Variants in FAM107A observed in about 807,000 individuals in gnomAD.
FAM107A encodes actin-associated protein FAM107A.
FAM107A carries 19 observed loss-of-function variants against 13.7 expected under a neutral mutation model. The ratio of observed to expected loss-of-function variants is 1.38; its 90% confidence interval spans 0.97 to 2.03. FAM107A has a LOEUF of 2.03. FAM107A is among the 30% of genes most tolerant of loss of function. The pLI, the probability that FAM107A is intolerant of heterozygous loss-of-function variation, is 0.00. For synonymous variants in FAM107A, 82 were observed against 74.5 expected (o/e 1.10, Z -0.52); for missense variants, 203 against 184.4 (o/e 1.10, Z -0.58).
At chr3:58,590,451 A>G (rs1478737740), upstream of FAM107A, among the ~76,000 whole-genome samples, 1 of 152,178 alleles carries the variant, frequency 6.6e-6, no homozygotes, top group Non-Finnish European at 1.5e-5. Context: ...CTGGATACCA[A>G]CAGTAATTTG....
At position 58,564,693 on chromosome 3, in the gene FAM107A, G is replaced by A. The variant is rs915452154; in HGVS notation, c.*1895C>T. ...CCCTCTGTCTTGCTTCTCTTCACAT[G>A]TCTGAACAACACATGGACCCGAGGG... is the stretch of plus-strand genomic sequence containing the variant. On this transcript the variant is annotated 3_prime_UTR_variant, in exon 4 of 4. Transcript: ENST00000360997. This position sits in a 1 kb window ranked among gnomAD's most constrained non-coding sequence, Gnocchi z 5.6. The A allele has an allele frequency of 6.6e-6, 1 of 152,274 alleles. No homozygotes were observed. The highest frequency in any genetic ancestry group is 2.4e-5 in the African/African-American group (1 of 41,468). 9.4% of individuals were successfully genotyped at this position (152,274 alleles called of 1,614,324 possible). A position where few individuals can be genotyped will look rare whatever the true frequency, so the allele number is the denominator to read the frequency against.
rs1358620631 is a variant in FAM107A, at chr3:58,620,504, C to CT, written c.-70+6911dup. Among the ~76,000 whole-genome samples, 3 of 152,376 alleles carry CT rather than the reference C, an allele frequency of 2.0e-5. No individual in the cohort carries two copies. In the South Asian group the frequency reaches 6.2e-4, roughly 32 times the overall value. On this transcript the variant is annotated intron_variant, in intron 1 of 3. Transcript: ENST00000465970. ...GAAGAAGTCTCGGCTGAGCCGGTATCTTTTTTCCTTTCTTTCTCCTTTGAT... is the reference window on the plus strand; with the variant it reads ...GAAGAAGTCTCGGCTGAGCCGGTATCTTTTTTTCCTTTCTTTCTCCTTTGAT...
rs1337649780 is a variant in FAM107A at position 58,569,518 on chromosome 3, T to C, written c.170+173A>G. Among the ~76,000 whole-genome samples, 2 of 152,180 alleles carry C rather than the reference T, an allele frequency of 1.3e-5. No homozygotes were observed. Among genetic ancestry groups the C allele is most frequent in the African/African-American group, 4.8e-5 (2 of 41,442 alleles). On this transcript the variant is annotated intron_variant, in intron 2 of 3. Coordinates refer to ENST00000360997, the MANE Select transcript of FAM107A (RefSeq NM_001076778.3). This position sits in a 1 kb window ranked among gnomAD's most constrained non-coding sequence, Gnocchi z 5.7. ...GTCCCTCTGGTTCCCAGGGACCCAC[T>C]GGGGACAGGGTCTTTACAGGTTTTG...
intron 1 of FAM107A, among the ~76,000 whole-genome samples, chr3:58,573,130 C>A (rs957995636): frequency 6.6e-6 from 1 of 152,092 alleles, no homozygotes; most frequent in Non-Finnish European, 1.5e-5. Flanking sequence ...GAGGCAGGAA[C>A]CCTGAGGGAT....
At chr3:58,567,772 G>A (rs2063637636) in intron 2 of FAM107A, among the ~76,000 whole-genome samples, 1 of 152,182 alleles carries the variant, frequency 6.6e-6, no homozygotes, top group Non-Finnish European at 1.5e-5. Context: ...CAGTGTACAA[G>A]AGCATCTATT....
At chr3:58,584,850 C>T (rs940894176) in intron 1 of FAM107A, among the ~76,000 whole-genome samples, 1 of 152,240 alleles carries the variant, frequency 6.6e-6, no homozygotes, top group African/African-American at 2.4e-5. Flanking sequence ...CAGAAAATTC[C>T]GTAACGGGGC....
At chr3:58,619,422 T>C (rs540567379) in intron 1 of FAM107A, among the ~76,000 whole-genome samples, 121 of 152,228 alleles carry the variant, frequency 7.9e-4, no homozygotes, top group African/African-American at 2.7e-3. Context: ...GAACCAGGAA[T>C]CTGGGGGCCC....
chr3:58,593,271 A>G (rs372512236), intron 1 of FAM107A, among the ~76,000 whole-genome samples: 1 of 152,260 alleles, frequency 6.6e-6, no homozygotes, highest in East Asian at 1.9e-4. Context: ...CCTTCATTCT[A>G]TTAGGTCTAT....
rs535027340 is a variant in FAM107A, at chr3:58,604,834, C to G, written c.-69-15565G>C. On this transcript the variant is annotated intron_variant, in intron 1 of 3. Coordinates refer to the FAM107A transcript ENST00000465970. This position sits in a 1 kb window ranked among gnomAD's most constrained non-coding sequence, Gnocchi z 4.1. ...TTTCTTGACTAAGGATCACATTTTC[C>G]TGTCTCTTTGCATGTCTAAACAATT... Among the ~76,000 whole-genome samples, 26 of 152,300 alleles carry G rather than the reference C, an allele frequency of 1.7e-4. 1 individual carries two copies. In the South Asian group the frequency reaches 5.0e-3, roughly 29 times the overall value.
At chr3:58,614,506 CTTTT>C (rs200625039) in intron 1 of FAM107A, among the ~76,000 whole-genome samples, 2 of 139,402 alleles carry the variant, frequency 1.4e-5, no homozygotes, top group South Asian at 2.3e-4. Context: ...TTCTTTCTTT[CTTTT>C]TTTTTTTTTT....
chr3:58,569,660 C>T lies in FAM107A; in HGVS notation c.170+31G>A, dbSNP rs368644512. 7.3e-5 allele frequency: 115 copies of T among 1,583,866 alleles called. 1 individual carries two copies. The highest frequency in any genetic ancestry group is 9.0e-5 in the Non-Finnish European group (105 of 1,163,948). The stretch of plus-strand genomic sequence containing the variant: ...CATCCCCCACAGGCCCAGGTGCTTG[C>T]GGGGCCCAGGCAGCAGGGCTTCATC... On this transcript the variant is annotated intron_variant, in intron 2 of 3. Transcript: ENST00000360997. This position sits in a 1 kb window ranked among gnomAD's most constrained non-coding sequence, Gnocchi z 5.7.
At chr3:58,626,831 C>T (rs942481502) in intron 1 of FAM107A, 2 of 764,096 alleles carry the variant, frequency 2.6e-6, no homozygotes, top group Non-Finnish European at 4.3e-6. Flanking sequence ...AGATGCAAGT[C>T]TTGGCTGTGA....
At chr3:58,593,117 C>T (rs1235856435) in intron 1 of FAM107A, among the ~76,000 whole-genome samples, 2 of 152,132 alleles carry the variant, frequency 1.3e-5, no homozygotes, top group African/African-American at 4.8e-5. Flanking sequence ...TTGGGTTCAC[C>T]GTTCCAGAAT....
At chr3:58,609,454 A>G (rs2065831933) in intron 1 of FAM107A, among the ~76,000 whole-genome samples, 2 of 152,112 alleles carry the variant, frequency 1.3e-5, no homozygotes, top group Admixed American at 1.3e-4. Flanking sequence ...AATGTTTGGT[A>G]TTTATTTTTC....
intron 1 of FAM107A, among the ~76,000 whole-genome samples, chr3:58,626,265 C>G (rs1223493534): frequency 6.6e-6 from 1 of 152,170 alleles, no homozygotes; most frequent in Admixed American, 6.5e-5. Flanking sequence ...GACTGTTTCA[C>G]AAGCTCCCTC....
intron 1 of FAM107A, among the ~76,000 whole-genome samples, chr3:58,606,384 C>A (rs898390382): frequency 3.3e-5 from 5 of 152,234 alleles, no homozygotes; most frequent in Non-Finnish European, 4.4e-5. Flanking sequence ...GTGTGAGCCA[C>A]CATGCCCGGC....
chr3:58,618,069 C>T (rs2065920155), intron 1 of FAM107A, among the ~76,000 whole-genome samples: 1 of 152,134 alleles, frequency 6.6e-6, no homozygotes, highest in African/African-American at 2.4e-5. Flanking sequence ...GTGAGGATTC[C>T]ATGGAAGTTC....
chr3:58,592,714 A>G (rs2065663797), intron 1 of FAM107A, among the ~76,000 whole-genome samples: 1 of 152,222 alleles, frequency 6.6e-6, no homozygotes, highest in African/African-American at 2.4e-5. Flanking sequence ...TTTTAAAGAC[A>G]CACCTCACCA....
chr3:58,616,867 G>A (rs527953722), intron 1 of FAM107A, among the ~76,000 whole-genome samples: 8 of 152,056 alleles, frequency 5.3e-5, no homozygotes, highest in East Asian at 1.9e-4. Context: ...TCCGCCTCCC[G>A]GGTTCAAGTG....
Sources: gnomAD v4.1 joint callset for allele counts (sites outside exome capture counted in the v4.1 genomes callset) on GRCh38, gnomAD v4.1.1 for gene constraint, Gnocchi (gnomAD v3.1) non-coding constraint, MANE v1.5 for transcripts, NCBI Gene and HGNC (gene_info 2026-07-23, HGNC 2026-07-21) for gene names.